CD7: variants seen among roughly 807,000 people sequenced by gnomAD.
CD7 encodes CD7 molecule.
A neutral mutation model predicts 17.6 loss-of-function variants in CD7; 19 were observed. The observed-to-expected ratio is 1.08, with a 90% CI of 0.75 to 1.58. The LOEUF is 1.58. Among genes scored for constraint, CD7 ranks in the 40% most tolerant of loss-of-function variants. The pLI, the probability that CD7 is intolerant of heterozygous loss-of-function variation, is 0.00. For missense variants in CD7, 291 were observed against 327.1 expected (o/e 0.89, Z 0.85); for synonymous variants, 160 against 159.8 (o/e 1.00, Z -0.01).
rs191958163 is a variant in CD7, at chr17:82,317,592, G to C, written c.-97C>G. The C allele has an allele frequency of 2.5e-5, 28 of 1,118,448 alleles. No individual in the cohort carries two copies. Among genetic ancestry groups the C allele is most frequent in the Middle Eastern group, 2.9e-4 (1 of 3,436 alleles). 69.3% of individuals were successfully genotyped at this position (1,118,448 alleles called of 1,614,324 possible). A position where few individuals can be genotyped will look rare whatever the true frequency, so the allele number is the denominator to read the frequency against. ...GAGCAGCACACAGGAGACCGCAGGC[G>C]CTCAGAGCTCAGAGAGGGCTTCCTG... On this transcript the variant is annotated 5_prime_UTR_variant, in exon 1 of 4. Coordinates refer to ENST00000312648, the MANE Select transcript of CD7 (RefSeq NM_006137.7).
intron 1 of CD7, 82 bp from the exon 2 acceptor site, chr17:82,317,063 G>A: frequency 7.6e-7 from 1 of 1,309,074 alleles, no homozygotes. Context: ...TGGTGGGGAT[G>A]GTGGGGCCCT....
Position 82,315,080 on chromosome 17 carries a change from G to GGTGGCGTGGCGGCTTCCTCCCGGTGGC in CD7, c.*240_*241insGCCACCGGGAGGAAGCCGCCACGCCAC, listed in dbSNP as rs1567837667. On this transcript the variant is annotated 3_prime_UTR_variant, in exon 4 of 4. Transcript: ENST00000312648. Reference sequence around the variant, plus strand: ...CCAAAGGACAGTCAGGCTTCCTCCCGGTGGCGGCGTGGGCTGGGCAGGGAA... The same window carrying GGTGGCGTGGCGGCTTCCTCCCGGTGGC: ...CCAAAGGACAGTCAGGCTTCCTCCCGGTGGCGTGGCGGCTTCCTCCCGGTGGCGTGGCGGCGTGGGCTGGGCAGGGAA... The GGTGGCGTGGCGGCTTCCTCCCGGTGGC allele has an allele frequency of 6.2e-6, 3 of 480,294 alleles. No homozygotes were observed. The highest frequency in any genetic ancestry group is 3.9e-5 in the African/African-American group (2 of 50,970). 29.8% of individuals were successfully genotyped at this position (480,294 alleles called of 1,614,324 possible).
intron 3 of CD7, chr17:82,315,805 T>C: frequency 3.5e-6 from 2 of 575,922 alleles, no homozygotes; most frequent in Non-Finnish European, 6.2e-6. Flanking sequence ...CACTCCAACA[T>C]GCACGCACAG....
In CD7 at chr17:82,316,330, G is replaced by A. The variant is rs552788430; in HGVS notation, c.477C>T (p.Ser159=). 39 of 1,581,154 alleles carry A rather than the reference G, an allele frequency of 2.5e-5. No individual in the cohort carries two copies. Among genetic ancestry groups the A allele is most frequent in the African/African-American group, 2.4e-4 (18 of 74,364 alleles). The change falls in exon 3 of 4, where the codon TCC becomes TCT. Residue 159 remains serine (S), a synonymous_variant. Coordinates refer to ENST00000312648, the MANE Select transcript of CD7 (RefSeq NM_006137.7). ...AGGCTGTCTGCGGGTCAGGGAGGGC[G>A]GAGCCTGTCGGTGGGGCAGGGAGGG... The part of the protein sequence containing the change: ...ASALPAPPTG[S]ALPDPQTASA...
chr17:82,317,246 G>A (rs1313700129), intron 1 of CD7, 168 bp downstream of exon 1: 17 of 732,298 alleles, frequency 2.3e-5, no homozygotes, highest in South Asian at 7.3e-5. Flanking sequence ...ACTCCCCACC[G>A]GGGTCCACCC....
At chr17:82,315,829 C>A in intron 3 of CD7, 1 of 590,616 alleles carries the variant, frequency 1.7e-6, no homozygotes, top group Non-Finnish European at 3.0e-6. Flanking sequence ...TCAGAGATCC[C>A]CACACACAGG....
rs1271898621 is a variant in CD7, at chr17:82,315,012, A to T, written c.*309T>A. The T allele has an allele frequency of 1.4e-5, 5 of 350,416 alleles. No individual in the cohort carries two copies. In the Admixed American group the frequency reaches 1.9e-4, roughly 13 times the overall value. The allele number at this position is 350,416 out of a possible 1,614,324, so 21.7% of individuals were successfully genotyped here. A position where few individuals can be genotyped will look rare whatever the true frequency, so the allele number is the denominator to read the frequency against. On this transcript the variant is annotated 3_prime_UTR_variant, in exon 4 of 4. Coordinates refer to ENST00000312648, the MANE Select transcript of CD7 (RefSeq NM_006137.7). ...AGGAGAGGGCCGCGTGCCCAGGCCC[A>T]TCCCACAGAAAAGCCCTCCTTGGCC...
rs1006448402 is a variant in CD7 at position 82,315,643 on chromosome 17, A to G, written c.613-212T>C. 18 of 565,666 alleles carry G rather than the reference A, an allele frequency of 3.2e-5. No homozygotes were observed. The African/African-American group carries it at 3.4e-4, about 11-fold the overall frequency. 35.0% of individuals were successfully genotyped at this position (565,666 alleles called of 1,614,324 possible). A position where few individuals can be genotyped will look rare whatever the true frequency, so the allele number is the denominator to read the frequency against. ...GGGTGCCTCTGAAGAAGGAGAGTGG[A>G]AGTGGCTTGGACCCCCCCACCAAGC... On this transcript the variant is annotated intron_variant, in intron 3 of 3. Coordinates refer to ENST00000312648, the MANE Select transcript of CD7 (RefSeq NM_006137.7).
At position 82,317,591 on chromosome 17, in the gene CD7, CGCTCAGA is replaced by C. The variant is rs2052030278; in HGVS notation, c.-103_-97del. Reference sequence around the variant, plus strand: ...AGAGCAGCACACAGGAGACCGCAGGCGCTCAGAGCTCAGAGAGGGCTTCCTGGAGGCG... The same window carrying C: ...AGAGCAGCACACAGGAGACCGCAGGCGCTCAGAGAGGGCTTCCTGGAGGCG... On this transcript the variant is annotated 5_prime_UTR_variant, in exon 1 of 4. Coordinates refer to ENST00000312648, the MANE Select transcript of CD7 (RefSeq NM_006137.7). The C allele has an allele frequency of 1.7e-6, 2 of 1,172,376 alleles. No individual in the cohort carries two copies. Among genetic ancestry groups the C allele is most frequent in the Non-Finnish European group, 2.3e-6 (2 of 852,658 alleles). The allele number at this position is 1,172,376 out of a possible 1,614,324, so 72.6% of individuals were successfully genotyped here. A position where few individuals can be genotyped will look rare whatever the true frequency, so the allele number is the denominator to read the frequency against.
intron 3 of CD7, 168 bp from the exon 4 acceptor site, chr17:82,315,599 A>G (rs1293271679): frequency 6.6e-6 from 4 of 607,626 alleles, no homozygotes; most frequent in Non-Finnish European, 1.2e-5. Flanking sequence ...TTCCCCAGGC[A>G]GGGCTGGGTC....
chr17:82,315,892 C>G, intron 3 of CD7: 7 of 601,980 alleles, frequency 1.2e-5, no homozygotes, highest in South Asian at 1.0e-4. Context: ...GCTCCCTCCT[C>G]TGCCCGCACA....
At position 82,316,217 on chromosome 17, in the gene CD7, G is replaced by T; in HGVS notation, c.590C>A (p.Ala197Glu). 6 of 1,564,428 alleles carry T rather than the reference G, an allele frequency of 3.8e-6. No individual in the cohort carries two copies. The highest frequency in any genetic ancestry group is 5.2e-6 in the Non-Finnish European group (6 of 1,154,040). ...SFLLGLGLGV[A>E]CVLARTQIKK... ...GACCTGTGTCCTCGCCAGCACACAC[G>T]CCACCCCCAGGCCCAGCCCGAGGAG... is the stretch of plus-strand genomic sequence containing the variant. Residue 197 changes from alanine to glutamate, a missense_variant, in exon 3 of 4, where the codon GCG becomes GAG. Coordinates refer to ENST00000312648, the MANE Select transcript of CD7 (RefSeq NM_006137.7).
rs947368772 is a variant in CD7 at position 82,315,077 on chromosome 17, C to T, written c.*244G>A. 2.3e-5 allele frequency: 11 copies of T among 478,040 alleles called. No individual in the cohort carries two copies. The highest frequency in any genetic ancestry group is 2.2e-4 in the South Asian group (10 of 45,996). 29.6% of individuals were successfully genotyped at this position (478,040 alleles called of 1,614,324 possible). ...CAGCCAAAGGACAGTCAGGCTTCCT[C>T]CCGGTGGCGGCGTGGGCTGGGCAGG... is the stretch of plus-strand genomic sequence containing the variant. On this transcript the variant is annotated 3_prime_UTR_variant, in exon 4 of 4. Transcript: ENST00000312648.
At chr17:82,317,069 G>T in intron 1 of CD7, 88 bp from the exon 2 acceptor site, 1 of 1,240,280 alleles carries the variant, frequency 8.1e-7, no homozygotes, top group Non-Finnish European at 1.1e-6. Flanking sequence ...GGATGGTGGG[G>T]CCCTGAGACA....
At chr17:82,315,922 A>C in intron 3 of CD7, 1 of 606,134 alleles carries the variant, frequency 1.6e-6, no homozygotes, top group South Asian at 2.0e-5. Flanking sequence ...GCACGCACAG[A>C]CCTCAGAGAT....
Sources: allele counts gnomAD v4.1 joint callset, GRCh38; gene constraint gnomAD v4.1.1; transcripts MANE v1.5; gene names NCBI Gene and HGNC (gene_info 2026-07-23, HGNC 2026-07-21).